C20orf173: variants seen among roughly 807,000 people sequenced by gnomAD.
The protein encoded by C20orf173 is chromosome 20 open reading frame 173.
C20orf173 carries 22 observed loss-of-function variants against 26.7 expected under a neutral mutation model. That is an observed-to-expected ratio of 0.82 (90% CI 0.59 to 1.18). The LOEUF (loss-of-function observed/expected upper bound fraction) is 1.18. Among genes scored for constraint, C20orf173 ranks in the 50% most tolerant of loss-of-function variants. The pLI is 0.00. For missense variants in C20orf173, 210 were observed against 250.3 expected, an observed-to-expected ratio of 0.84 and a Z score of 1.09; for synonymous variants, 85 against 96.4, an observed-to-expected ratio of 0.88 and a Z score of 0.69.
chr20:35,522,974 C>T (rs1345373001), downstream of C20orf173: 1 of 152,618 alleles, frequency 6.6e-6, no homozygotes, highest in Non-Finnish European at 1.5e-5. Flanking sequence ...GGGGTTGGGT[C>T]AGGGACTGGA....
chr20:35,527,618 G>A (rs759006697), intron 5 of C20orf173, among the ~76,000 whole-genome samples: 24 of 58,642 alleles, frequency 4.1e-4, no homozygotes, highest in Non-Finnish European at 6.7e-4. Flanking sequence ...GTCAGAACAT[G>A]TATAGTCTTT....
At chr20:35,521,786 T>G (rs183191464), downstream of C20orf173, among the ~76,000 whole-genome samples, 537 of 152,172 alleles carry the variant, frequency 3.5e-3, 1 homozygote, top group African/African-American at 0.013. Flanking sequence ...TTTTGTATTT[T>G]TAGTAGAGAC....
chr20:35,529,477 G>T, intron 1 of C20orf173, 53 bp from the exon 2 acceptor site: 1 of 1,121,868 alleles, frequency 8.9e-7, no homozygotes, highest in Non-Finnish European at 1.2e-6. Context: ...CCTCTGTCCT[G>T]TCGGCCTCCA....
At position 35,529,351 on chromosome 20, in the gene C20orf173, A is replaced by T; in HGVS notation, c.23T>A (p.Val8Asp). 3.2e-6 allele frequency: 5 copies of T among 1,545,386 alleles called. No homozygotes were observed. The highest frequency in any genetic ancestry group is 4.4e-6 in the Non-Finnish European group (5 of 1,143,408). Residue 8 changes from valine to aspartate, a missense_variant, in exon 2 of 6, where the codon GTC becomes GAC. Physicochemically the swap from Val to Asp is radical, Grantham distance 152. Coordinates refer to ENST00000444723, the MANE Select transcript of C20orf173 (RefSeq NM_001145350.2). ...GATGAGCACCCAAAAGACCCACAGGACAAAAATCTGCCAGCGCTTCATGTC... is the reference window on the plus strand; with the variant it reads ...GATGAGCACCCAAAAGACCCACAGGTCAAAAATCTGCCAGCGCTTCATGTC... MKRWQIF[V>D]LWVFWVLILW... is the part of the protein sequence containing the mutation.
chr20:35,526,628 C>CA (rs1286748298), downstream of C20orf173, among the ~76,000 whole-genome samples: 2,054 of 52,914 alleles, frequency 0.039, 111 homozygotes, highest in African/African-American at 0.078. Flanking sequence ...ACTCTTGTCT[C>CA]AAAAAAAAAA....
downstream of C20orf173, among the ~76,000 whole-genome samples, chr20:35,524,724 A>G (rs925611497): frequency 1.2e-4 from 18 of 148,722 alleles, no homozygotes; most frequent in Middle Eastern, 3.4e-3. Flanking sequence ...TTGAGACAGA[A>G]TTTCGCTCTT....
Position 35,529,199 on chromosome 20 carries a change from C to T in C20orf173, c.175G>A (p.Glu59Lys). Residue 59 changes from glutamate to lysine, a missense_variant, in exon 2 of 6, where the codon GAG becomes AAG. Physicochemically the swap from Glu to Lys is moderately conservative, Grantham distance 56. Coordinates refer to ENST00000444723, the MANE Select transcript of C20orf173 (RefSeq NM_001145350.2). ...FSSGKCGCPS[E>K]TLNCSSCHHT... is the part of the protein sequence containing the mutation. Reference sequence around the variant, plus strand: ...TGGCAGGAGGAGCAGTTGAGGGTCTCAGAAGGGCAGCCACACTTCCCGGAA... The same window carrying T: ...TGGCAGGAGGAGCAGTTGAGGGTCTTAGAAGGGCAGCCACACTTCCCGGAA... The T allele has an allele frequency of 1.9e-6, 3 of 1,551,654 alleles. No homozygotes were observed. The highest frequency in any genetic ancestry group is 2.6e-6 in the Non-Finnish European group (3 of 1,146,988).
In C20orf173 at chr20:35,529,196, T is replaced by A. The variant is rs1601349886; in HGVS notation, c.178A>T (p.Thr60Ser). The change falls in exon 2 of 6, where the codon ACC (threonine) becomes TCC (serine). Residue 60 changes from threonine (T) to serine (S), a missense_variant. Coordinates refer to ENST00000444723, the MANE Select transcript of C20orf173 (RefSeq NM_001145350.2). ...TGGTGGCAGGAGGAGCAGTTGAGGG[T>A]CTCAGAAGGGCAGCCACACTTCCCG... ...SSGKCGCPSE[T>S]LNCSSCHHTA... The A allele has an allele frequency of 6.4e-7, 1 of 1,551,352 alleles. No homozygotes were observed. The highest frequency in any genetic ancestry group is 1.4e-5 in the African/African-American group (1 of 72,958).
Position 35,528,488 on chromosome 20 carries a change from G to A in C20orf173, c.545C>T (p.Ser182Phe), listed in dbSNP as rs945083702. 4 of 1,551,594 alleles carry A rather than the reference G, an allele frequency of 2.6e-6. No homozygotes were observed. The highest frequency in any genetic ancestry group is 2.6e-6 in the Non-Finnish European group (3 of 1,147,016). The change falls in exon 4 of 6, where the codon TCT becomes TTT. Residue 182 changes from serine to phenylalanine, a missense_variant. By Grantham distance (155) the Ser-to-Phe change is radical. Transcript: ENST00000444723. ...AGCATCTGAAGTCCACACCAGGTCAGAGAGCTTCCGCAGTAGCATCTCCAG... is the reference window on the plus strand; with the variant it reads ...AGCATCTGAAGTCCACACCAGGTCAAAGAGCTTCCGCAGTAGCATCTCCAG... ...MQLEMLLRKL[S>F]DLVWTSDALS...
chr20:35,529,201 G>A lies in C20orf173; in HGVS notation c.173C>T (p.Ser58Phe), dbSNP rs535694442. 13 of 1,551,716 alleles carry A rather than the reference G, an allele frequency of 8.4e-6. No homozygotes were observed. In the African/African-American group the frequency reaches 1.5e-4, roughly 18 times the overall value. ...WFSSGKCGCP[S>F]ETLNCSSCHH... ...GCAGGAGGAGCAGTTGAGGGTCTCA[G>A]AAGGGCAGCCACACTTCCCGGAACT... Residue 58 changes from serine (S) to phenylalanine (F), a missense_variant, in exon 2 of 6, where the codon TCT becomes TTT. Physicochemically the swap from Ser to Phe is radical, Grantham distance 155. Coordinates refer to ENST00000444723, the MANE Select transcript of C20orf173 (RefSeq NM_001145350.2).
intron 5 of C20orf173, among the ~76,000 whole-genome samples, chr20:35,527,637 T>C (rs1452767793): frequency 7.2e-6 from 1 of 138,782 alleles, no homozygotes; most frequent in Non-Finnish European, 1.6e-5. Flanking sequence ...TTTTTTTTTC[T>C]GAGATGGAGT....
downstream of C20orf173, chr20:35,526,883 C>T (rs1268358355): frequency 6.6e-6 from 1 of 152,208 alleles, no homozygotes; most frequent in East Asian, 1.9e-4. Flanking sequence ...CCTACATGAT[C>T]CAGGGCACTA....
At chr20:35,528,593 C>T (rs1601348661) in intron 3 of C20orf173, 49 bp from the exon 4 acceptor site, 1 of 1,550,232 alleles carries the variant, frequency 6.5e-7, no homozygotes, top group East Asian at 2.4e-5. Context: ...ACGTCCATCT[C>T]AAAGCCCTGG....
chr20:35,528,153 G>T, intron 5 of C20orf173, 80 bp downstream of exon 5: 1 of 1,233,782 alleles, frequency 8.1e-7, no homozygotes, highest in Non-Finnish European at 1.2e-6. Context: ...ACCTGGGGAG[G>T]AAGGGGGAGG....
chr20:35,522,057 T>A (rs937870841), downstream of C20orf173: 3 of 152,754 alleles, frequency 2.0e-5, no homozygotes, highest in African/African-American at 7.2e-5. Flanking sequence ...CTTTCCTGGA[T>A]ATACCTGAGG....
chr20:35,525,314 G>A (rs564760473), downstream of C20orf173, among the ~76,000 whole-genome samples: 4 of 152,168 alleles, frequency 2.6e-5, no homozygotes, highest in East Asian at 7.8e-4. Flanking sequence ...CATTTTGGGA[G>A]GCCAAGGCAG....
downstream of C20orf173, chr20:35,520,975 C>T (rs1046710537): frequency 2.0e-5 from 3 of 152,220 alleles, no homozygotes; most frequent in Admixed American, 1.3e-4. Context: ...CTGGGGACTC[C>T]ACTGGAAACA....
chr20:35,522,342 T>C (rs1003531470), downstream of C20orf173: 13 of 152,560 alleles, frequency 8.5e-5, no homozygotes, highest in African/African-American at 2.7e-4. Context: ...CAGGGTCTCT[T>C]TGGAGTTACC....
At chr20:35,521,687 C>T (rs2064476288), downstream of C20orf173, among the ~76,000 whole-genome samples, 1 of 151,736 alleles carries the variant, frequency 6.6e-6, no homozygotes, top group Non-Finnish European at 1.5e-5. Context: ...TGGCTCACCG[C>T]AACCTCCGCC....
Sources: allele counts gnomAD v4.1 joint callset (sites outside exome capture counted in the v4.1 genomes callset), GRCh38; gene constraint gnomAD v4.1.1; transcripts MANE v1.5; gene names NCBI Gene and HGNC (gene_info 2026-07-23, HGNC 2026-07-21).